The following ACYP2 variants were observed in gnomAD, a reference collection of about 807,000 sequenced individuals.
ACYP2 encodes the protein acylphosphatase-2.
In ACYP2, 12 loss-of-function variants were observed where a neutral mutation model predicts 11.2. The observed-to-expected ratio is 1.08, with a 90% confidence interval of 0.69 to 1.74. ACYP2 has a LOEUF of 1.74. ACYP2 is among the 40% of genes most tolerant of loss of function. The pLI is 0.00. For synonymous variants in ACYP2, 43 were observed against 32.2 expected, an observed-to-expected ratio of 1.33 and a Z score of -1.13; for missense variants, 134 against 101.9, an observed-to-expected ratio of 1.31 and a Z score of -1.35.
chr2:54,072,305 A>ATTTAT (rs1255141728), intron 4 of ACYP2, among the ~76,000 whole-genome samples: 1 of 151,872 alleles, frequency 6.6e-6, no homozygotes. Context: ...GCCTTATTTT[A>ATTTAT]TTTATTTTAT....
At chr2:54,087,251 A>G (rs1457476168) in intron 4 of ACYP2, among the ~76,000 whole-genome samples, 1 of 152,252 alleles carries the variant, frequency 6.6e-6, no homozygotes, top group Non-Finnish European at 1.5e-5. Flanking sequence ...ATGTCCAGAC[A>G]AATATCTGTT....
intron 4 of ACYP2, among the ~76,000 whole-genome samples, chr2:54,125,798 C>T (rs1037253636): frequency 1.7e-4 from 26 of 149,556 alleles, no homozygotes; most frequent in Admixed American, 1.7e-3. Context: ...AAAGGGGATT[C>T]AGGCTGGGCA....
chr2:54,174,587 A>G (rs1042197344), intron 6 of ACYP2, among the ~76,000 whole-genome samples: 2 of 152,312 alleles, frequency 1.3e-5, no homozygotes, highest in South Asian at 4.1e-4. Context: ...GAGAGAGGGC[A>G]TCCTTGTCTT....
At chr2:54,051,734 C>T in intron 3 of ACYP2, 1 of 566,290 alleles carries the variant, frequency 1.8e-6, no homozygotes, top group Admixed American at 2.5e-5. Flanking sequence ...ATCATCAAGG[C>T]TGAAAAAAGC....
At chr2:54,090,074 G>C (rs992638307) in intron 4 of ACYP2, among the ~76,000 whole-genome samples, 1 of 151,218 alleles carries the variant, frequency 6.6e-6, no homozygotes, top group Non-Finnish European at 1.5e-5. Flanking sequence ...AAACCCAGGA[G>C]ATGCAGGTTA....
Position 54,031,485 on chromosome 2 carries a change from A to G in ACYP2, c.63-19473A>G, listed in dbSNP as rs545350367. On this transcript the variant is annotated intron_variant, in intron 2 of 6. Coordinates refer to ENST00000607452, the MANE Select transcript of ACYP2 (RefSeq NM_001320586.2). Reference sequence around the variant, plus strand: ...CTTTTTTATGGCTGCATAGTATTCCATGGTGCATATGTGCGACATTTTCTT... The same window carrying G: ...CTTTTTTATGGCTGCATAGTATTCCGTGGTGCATATGTGCGACATTTTCTT... Among the ~76,000 whole-genome samples the G allele has an allele frequency of 1.3e-3, 203 of 152,228 alleles. 1 individual carries two copies. Among genetic ancestry groups the G allele is most frequent in the African/African-American group, 4.7e-3 (194 of 41,530 alleles).
chr2:54,112,159 A>G (rs761226715), intron 4 of ACYP2, among the ~76,000 whole-genome samples: 2 of 152,186 alleles, frequency 1.3e-5, no homozygotes, highest in African/African-American at 2.4e-5. Flanking sequence ...TATAAGCAGG[A>G]TTTTCCCTTT....
chr2:54,172,771 C>G (rs1237701024), intron 6 of ACYP2, among the ~76,000 whole-genome samples: 1 of 152,112 alleles, frequency 6.6e-6, no homozygotes. Context: ...TGTTCCATTC[C>G]CACCTATGAG....
At chr2:54,304,204 C>T (rs1689830066) in intron 6 of ACYP2, among the ~76,000 whole-genome samples, 1 of 127,164 alleles carries the variant, frequency 7.9e-6, no homozygotes, top group African/African-American at 3.1e-5. Context: ...GGATCTCTTT[C>T]ATTATATATA....
intron 6 of ACYP2, among the ~76,000 whole-genome samples, chr2:54,168,490 A>C (rs1324802907): frequency 1.3e-5 from 2 of 152,092 alleles, no homozygotes; most frequent in Non-Finnish European, 2.9e-5. Context: ...CTACATCCAA[A>C]TGTCCAATAA....
chr2:54,226,747 C>T (rs1234741373), intron 6 of ACYP2, among the ~76,000 whole-genome samples: 2 of 152,192 alleles, frequency 1.3e-5, no homozygotes, highest in Admixed American at 6.5e-5. Flanking sequence ...TAAGTCCTCA[C>T]CACCATTCCC....
At chr2:54,280,563 C>T (rs551509038) in intron 6 of ACYP2, among the ~76,000 whole-genome samples, 1 of 152,192 alleles carries the variant, frequency 6.6e-6, no homozygotes, top group African/African-American at 2.4e-5. Flanking sequence ...AAAAGGAACT[C>T]CCACTTAGAA....
intron 6 of ACYP2, among the ~76,000 whole-genome samples, chr2:54,177,903 T>TCC (rs1392786291): frequency 1.5e-4 from 5 of 33,660 alleles, no homozygotes; most frequent in African/African-American, 9.1e-4. Flanking sequence ...CTTTCTTTCT[T>TCC]TATTTTTTTT....
At chr2:54,005,083 A>G (rs1672997293) in intron 2 of ACYP2, among the ~76,000 whole-genome samples, 1 of 152,090 alleles carries the variant, frequency 6.6e-6, no homozygotes, top group Non-Finnish European at 1.5e-5. Context: ...TTAAAAAAAT[A>G]AAAATAAAAA....
At chr2:54,271,503 C>T (rs1483647546) in intron 6 of ACYP2, among the ~76,000 whole-genome samples, 1 of 151,662 alleles carries the variant, frequency 6.6e-6, no homozygotes, top group Non-Finnish European at 1.5e-5. Context: ...AAGGAGGACT[C>T]AGCACACTGG....
At chr2:54,090,053 G>A (rs901839743) in intron 4 of ACYP2, among the ~76,000 whole-genome samples, 1 of 150,916 alleles carries the variant, frequency 6.6e-6, no homozygotes, top group African/African-American at 2.4e-5. Context: ...GCTGAGTCAG[G>A]TGAATCTCTT....
At chr2:54,253,875 T>G (rs1029689587) in intron 6 of ACYP2, 1 of 152,206 alleles carries the variant, frequency 6.6e-6, no homozygotes, top group Non-Finnish European at 1.5e-5. Context: ...AGCCTGCCTC[T>G]GGACATGACA....
intron 2 of ACYP2, among the ~76,000 whole-genome samples, chr2:54,021,220 G>A (rs1474927430): frequency 6.6e-6 from 1 of 152,180 alleles, no homozygotes; most frequent in East Asian, 1.9e-4. Context: ...AGGTAACTCG[G>A]GATGATTCAG....
intron 6 of ACYP2, among the ~76,000 whole-genome samples, chr2:54,218,032 C>T (rs954251098): frequency 1.3e-5 from 2 of 152,138 alleles, no homozygotes; most frequent in Non-Finnish European, 2.9e-5. Context: ...CCCTTGTCCC[C>T]TAATAATGCA....
Sources: allele counts gnomAD v4.1 joint callset (sites outside exome capture counted in the v4.1 genomes callset), GRCh38; gene constraint gnomAD v4.1.1; transcripts MANE v1.5; gene names NCBI Gene and HGNC (gene_info 2026-07-23, HGNC 2026-07-21).